Variants in AMBRA1 observed in about 807,000 individuals in gnomAD.
The protein encoded by AMBRA1 is autophagy and beclin 1 regulator 1.
In AMBRA1, 47 loss-of-function variants were observed where a neutral mutation model predicts 125.4. That is an observed-to-expected ratio of 0.37 (90% CI 0.30 to 0.48). The LOEUF (loss-of-function observed/expected upper bound fraction) is 0.48, where lower values mean the gene tolerates loss of function less well. Among genes scored for constraint, AMBRA1 ranks in the 20% least tolerant of loss-of-function variants. The pLI is 0.99. For synonymous variants in AMBRA1, 626 were observed against 655.5 expected (o/e 0.95, Z 0.69); for missense variants, 1,331 against 1,693.4 (o/e 0.79, Z 3.76).
At chr11:46,536,320 G>A (rs547271991) in intron 7 of AMBRA1, among the ~76,000 whole-genome samples, 2 of 152,280 alleles carry the variant, frequency 1.3e-5, no homozygotes, top group South Asian at 4.1e-4. Context: ...TCTGTCATGG[G>A]TGCAATATCA....
At chr11:46,572,593 G>A (rs769120191) in intron 1 of AMBRA1, among the ~76,000 whole-genome samples, 3 of 152,134 alleles carry the variant, frequency 2.0e-5, no homozygotes, top group Non-Finnish European at 4.4e-5. Flanking sequence ...CTTTGATATG[G>A]CAGAAGCTCT....
At chr11:46,558,166 C>G (rs549001506) in intron 1 of AMBRA1, among the ~76,000 whole-genome samples, 1 of 152,292 alleles carries the variant, frequency 6.6e-6, no homozygotes, top group South Asian at 2.1e-4. Flanking sequence ...AATTCCTAAC[C>G]TGAGTAATTA....
chr11:46,519,516 C>T (rs918722879), intron 7 of AMBRA1, among the ~76,000 whole-genome samples: 8 of 152,192 alleles, frequency 5.3e-5, no homozygotes, highest in African/African-American at 2.4e-5. Flanking sequence ...TGGACTTTCT[C>T]CAACCACTGG....
chr11:46,496,744 T>A (rs182151487), intron 9 of AMBRA1, among the ~76,000 whole-genome samples: 1 of 151,824 alleles, frequency 6.6e-6, no homozygotes, highest in East Asian at 1.9e-4. Context: ...GTCACAAGCA[T>A]CTTTTTGTTG....
intron 7 of AMBRA1, among the ~76,000 whole-genome samples, chr11:46,541,051 T>C (rs747117916): frequency 3.3e-5 from 5 of 152,226 alleles, no homozygotes; most frequent in Non-Finnish European, 5.9e-5. Context: ...ACAGAGGATG[T>C]AATGCAGCGC....
intron 1 of AMBRA1, among the ~76,000 whole-genome samples, chr11:46,578,030 TA>T (rs1304757969): frequency 1.3e-5 from 2 of 152,114 alleles, no homozygotes; most frequent in African/African-American, 4.8e-5. Context: ...CTTGGGAGGC[TA>T]AAGCAGGAGG....
At position 46,542,837 on chromosome 11, in the gene AMBRA1, A is replaced by T. The variant is rs1400829785; in HGVS notation, c.1180T>A (p.Ser394Thr). 6.2e-7 allele frequency: 1 copy of T among 1,613,706 alleles called. No individual in the cohort carries two copies. The change falls in exon 7 of 18, where the codon TCT becomes ACT. Residue 394 changes from serine to threonine, a missense_variant. Ser to Thr is a moderately conservative substitution (Grantham distance 58). Transcript: ENST00000683756. This position sits in a 1 kb window ranked among gnomAD's most constrained non-coding sequence, Gnocchi z 5.9. ...TGGCTAGACAGAGGCCCTCCCAAAG[A>T]GCGGCGGGTAGGACCCAGACTGAGG... ...RNLSLGPTRR[S>T]LGGPLSSHPS...
At chr11:46,553,376 C>A (rs2043068155) in intron 1 of AMBRA1, among the ~76,000 whole-genome samples, 1 of 152,012 alleles carries the variant, frequency 6.6e-6, no homozygotes, top group Admixed American at 6.5e-5. Flanking sequence ...CAGAAAAAAA[C>A]ATTAACAGCC....
At chr11:46,526,612 C>G (rs1951986417) in intron 7 of AMBRA1, among the ~76,000 whole-genome samples, 1 of 150,470 alleles carries the variant, frequency 6.6e-6, no homozygotes, top group Non-Finnish European at 1.5e-5. Context: ...GCCCCTGAGT[C>G]TACATGACAA....
intron 14 of AMBRA1, among the ~76,000 whole-genome samples, chr11:46,422,773 CTT>C (rs1294315526): frequency 6.6e-6 from 1 of 151,952 alleles, no homozygotes; most frequent in Admixed American, 6.6e-5. Context: ...AAAAGAAAAA[CTT>C]TATGGTTATT....
chr11:46,516,696 G>A (rs576742884), intron 7 of AMBRA1, among the ~76,000 whole-genome samples: 1 of 152,200 alleles, frequency 6.6e-6, no homozygotes, highest in South Asian at 2.1e-4. Flanking sequence ...GCCTCCCAAA[G>A]TGCTGGGATT....
chr11:46,454,450 A>G (rs1427576478), intron 11 of AMBRA1, among the ~76,000 whole-genome samples: 2 of 151,360 alleles, frequency 1.3e-5, no homozygotes, highest in Non-Finnish European at 2.9e-5. Flanking sequence ...AAGAAAGAGA[A>G]ATTGGCCAGG....
At chr11:46,580,055 G>T (rs547141687) in intron 1 of AMBRA1, among the ~76,000 whole-genome samples, 1 of 152,162 alleles carries the variant, frequency 6.6e-6, no homozygotes, top group East Asian at 1.9e-4. Flanking sequence ...TCTCCACTTC[G>T]TCCCTTCCCA....
intron 11 of AMBRA1, among the ~76,000 whole-genome samples, chr11:46,444,426 G>C (rs909863824): frequency 2.0e-5 from 3 of 152,140 alleles, no homozygotes; most frequent in Non-Finnish European, 4.4e-5. Flanking sequence ...ATTTGCAGTT[G>C]TATTTCATTT....
intron 11 of AMBRA1, among the ~76,000 whole-genome samples, chr11:46,479,035 CAA>C (rs777889668): frequency 1.3e-5 from 2 of 151,896 alleles, no homozygotes; most frequent in Non-Finnish European, 2.9e-5. Flanking sequence ...CCTGTCTCTA[CAA>C]AAAATACCAA....
chr11:46,537,195 T>A (rs936274835), intron 7 of AMBRA1, among the ~76,000 whole-genome samples: 1 of 152,172 alleles, frequency 6.6e-6, no homozygotes, highest in Non-Finnish European at 1.5e-5. Context: ...CTAACAGACC[T>A]CCAATTTCTT....
Position 46,458,680 on chromosome 11 carries a change from T to C in AMBRA1, c.2522-15082A>G, listed in dbSNP as rs141272368. On this transcript the variant is annotated intron_variant, in intron 11 of 17. Coordinates refer to ENST00000683756, the MANE Select transcript of AMBRA1 (RefSeq NM_001387011.1). The stretch of plus-strand genomic sequence containing the variant: ...GGCATGATCATTGCTCACTACAGCC[T>C]TGAATTCATGGCCTCAAGTGATCCT... Among the ~76,000 whole-genome samples, 303 of 152,350 alleles carry C rather than the reference T, an allele frequency of 2.0e-3. 1 individual carries two copies. The highest frequency in any genetic ancestry group is 6.6e-3 in the African/African-American group (273 of 41,586).
chr11:46,514,727 G>A (rs1445083783), intron 7 of AMBRA1, among the ~76,000 whole-genome samples: 7 of 151,618 alleles, frequency 4.6e-5, no homozygotes, highest in South Asian at 4.2e-4. Flanking sequence ...CTCCTGCCTC[G>A]GCCTCCCAAA....
intron 11 of AMBRA1, among the ~76,000 whole-genome samples, chr11:46,487,971 T>C (rs780850925): frequency 1.2e-4 from 19 of 152,114 alleles, no homozygotes; most frequent in Non-Finnish European, 2.2e-4. Flanking sequence ...TGGAAAATGA[T>C]ATCTCATGTA....
Sources: allele counts gnomAD v4.1 joint callset (sites outside exome capture counted in the v4.1 genomes callset), GRCh38; gene constraint gnomAD v4.1.1; non-coding constraint Gnocchi (gnomAD v3.1); transcripts MANE v1.5; gene names NCBI Gene and HGNC (gene_info 2026-07-23, HGNC 2026-07-21).